The following ZMYND12 variants were observed in gnomAD, a reference collection of about 807,000 sequenced individuals.
ZMYND12 encodes zinc finger MYND-type containing 12, also known as zinc finger MYND domain-containing protein 12.
Under a neutral mutation model 41.7 loss-of-function variants are expected in ZMYND12, and 32 were observed. The observed-to-expected ratio is 0.77, with a 90% confidence interval of 0.58 to 1.03. The LOEUF (loss-of-function observed/expected upper bound fraction) is 1.03, where lower values mean the gene tolerates loss of function less well. Ranked by LOEUF, ZMYND12 falls within the 50% of genes least tolerant of loss-of-function variation. The pLI is 0.00. For synonymous variants in ZMYND12, 148 were observed against 164.8 expected (o/e 0.90, Z 0.78); for missense variants, 424 against 438.5 (o/e 0.97, Z 0.30).
intron 4 of ZMYND12, among the ~76,000 whole-genome samples, 176 bp from the exon 5 acceptor site, chr1:42,436,719 T>C (rs1009521630): frequency 2.0e-5 from 3 of 151,996 alleles, no homozygotes; most frequent in African/African-American, 7.3e-5. Context: ...AATAAGCACA[T>C]GTATAGATAC....
chr1:42,450,420 T>C (rs1417378939), intron 1 of ZMYND12, among the ~76,000 whole-genome samples: 1 of 152,238 alleles, frequency 6.6e-6, no homozygotes, highest in Non-Finnish European at 1.5e-5. Context: ...CTGAATCTTC[T>C]TTTCTAGGCC....
chr1:42,455,764 A>C, intron 1 of ZMYND12, 124 bp downstream of exon 1: 1 of 672,492 alleles, frequency 1.5e-6, no homozygotes, highest in East Asian at 2.7e-5. Context: ...CCTGTCTTAA[A>C]GCCGTTTTGA....
At chr1:42,450,210 TCTTTC>T (rs1643069128) in intron 1 of ZMYND12, 151 bp from the exon 2 acceptor site, 3 of 808,732 alleles carry the variant, frequency 3.7e-6, no homozygotes, top group East Asian at 5.2e-5. Flanking sequence ...GACTCAAATC[TCTTTC>T]CTTTCATGTG....
At chr1:42,438,310 A>G (rs541543369) in intron 4 of ZMYND12, among the ~76,000 whole-genome samples, 1 of 152,348 alleles carries the variant, frequency 6.6e-6, no homozygotes, top group South Asian at 2.1e-4. Flanking sequence ...TAAGAAACCA[A>G]CAAGGGCTAG....
chr1:42,435,144 T>G (rs866444889), intron 6 of ZMYND12, 130 bp downstream of exon 6: 48 of 703,942 alleles, frequency 6.8e-5, no homozygotes, highest in Admixed American at 3.6e-4. Context: ...GTTTTCTCCA[T>G]CAGCAACATG....
At chr1:42,432,934 G>C in intron 7 of ZMYND12, 1 of 564,414 alleles carries the variant, frequency 1.8e-6, no homozygotes, top group Non-Finnish European at 3.0e-6. Flanking sequence ...TGCAAGACTG[G>C]GAACCCTCGG....
chr1:42,442,977 C>T (rs1328861640), intron 3 of ZMYND12, among the ~76,000 whole-genome samples: 1 of 152,114 alleles, frequency 6.6e-6, no homozygotes, highest in Non-Finnish European at 1.5e-5. Flanking sequence ...GGCTGAAGTC[C>T]TCTCACATTT....
chr1:42,452,792 G>C (rs1017423513), intron 1 of ZMYND12, among the ~76,000 whole-genome samples: 1 of 152,080 alleles, frequency 6.6e-6, no homozygotes, highest in East Asian at 1.9e-4. Context: ...ATCCACTATA[G>C]AGCAATATGC....
Position 42,436,421 on chromosome 1 carries a change from C to A in ZMYND12, c.717G>T (p.Lys239Asn). Residue 239 changes from lysine (K) to asparagine (N), a missense_variant and splice_region_variant, in exon 5 of 8, where the codon AAG becomes AAT. Coordinates refer to ENST00000372565, the MANE Select transcript of ZMYND12 (RefSeq NM_032257.5). ...KLDLADTLYT[K>N]VSEIWHAYLN... Reference sequence around the variant, plus strand: ...TCAGCTCCCACATTCCCCAGCTCACCTTGGTGTACAATGTGTCTGCCAGGT... The same window carrying A: ...TCAGCTCCCACATTCCCCAGCTCACATTGGTGTACAATGTGTCTGCCAGGT... The A allele has an allele frequency of 6.2e-7, 1 of 1,613,108 alleles. No individual in the cohort carries two copies. Among genetic ancestry groups the A allele is most frequent in the South Asian group, 1.1e-5 (1 of 91,062 alleles).
At chr1:42,453,424 A>ATG (rs1290327387) in intron 1 of ZMYND12, among the ~76,000 whole-genome samples, 3 of 152,234 alleles carry the variant, frequency 2.0e-5, no homozygotes, top group Admixed American at 6.5e-5. Flanking sequence ...GGGGCATACA[A>ATG]TGACAGGTCG....
intron 7 of ZMYND12, among the ~76,000 whole-genome samples, chr1:42,431,259 T>A (rs1177810631): frequency 6.6e-6 from 1 of 152,160 alleles, no homozygotes; most frequent in Non-Finnish European, 1.5e-5. Context: ...AGGCTCCCCT[T>A]TCTTCCTCCC....
At chr1:42,449,831 T>G in intron 2 of ZMYND12, 87 bp downstream of exon 2, 1 of 1,520,632 alleles carries the variant, frequency 6.6e-7, no homozygotes. Context: ...GAGGTTACAA[T>G]TTAGTGATCC....
In ZMYND12 at chr1:42,449,111, G is replaced by GTA. The variant is rs755382186; in HGVS notation, c.253-474_253-473insTA. 6.4e-4 allele frequency among the ~76,000 whole-genome samples: 98 copies of GTA among 152,218 alleles called. 2 individuals are homozygous for GTA. Among genetic ancestry groups the GTA allele is most frequent in the Middle Eastern group, 3.4e-3 (1 of 294 alleles). ...ATTGTTCTAAGGCCACTATCAAAGT[G>GTA]TCATAACACTAAAATGGATGGATCT... On this transcript the variant is annotated intron_variant, in intron 2 of 7. Transcript: ENST00000372565.
At chr1:42,431,302 G>A (rs1488942952) in intron 7 of ZMYND12, among the ~76,000 whole-genome samples, 3 of 152,028 alleles carry the variant, frequency 2.0e-5, no homozygotes, top group Non-Finnish European at 2.9e-5. Flanking sequence ...CCTATAAATT[G>A]TTATTGAATG....
rs773328597 is a variant in ZMYND12, at chr1:42,455,894, TAA to T, written c.102_103del (p.Tyr35LeufsTer10). 1 of 1,611,196 alleles carries T rather than the reference TAA, an allele frequency of 6.2e-7. No individual in the cohort carries two copies. The highest frequency in any genetic ancestry group is 8.5e-7 in the Non-Finnish European group (1 of 1,178,140). ...GCCACGTTTCAGGGCCTACCAGTAA[TAA>T]GTGACTGTGCAGGCCGCGCACACCC... is the stretch of plus-strand genomic sequence containing the variant. On this transcript the variant is annotated frameshift_variant, in exon 1 of 8. Coordinates refer to ENST00000372565, the MANE Select transcript of ZMYND12 (RefSeq NM_032257.5). LOFTEE classifies it high-confidence loss of function.
intron 4 of ZMYND12, among the ~76,000 whole-genome samples, 190 bp from the exon 5 acceptor site, chr1:42,436,733 CAT>C (rs1261373219): frequency 6.6e-6 from 1 of 150,972 alleles, no homozygotes; most frequent in Non-Finnish European, 1.5e-5. Context: ...TAGATACTAA[CAT>C]AGTAATTAGG....
chr1:42,441,168 A>G (rs1557768255), intron 3 of ZMYND12, among the ~76,000 whole-genome samples: 1 of 152,206 alleles, frequency 6.6e-6, no homozygotes, highest in Non-Finnish European at 1.5e-5. Flanking sequence ...GTCAGAGGAT[A>G]GGAAATGTTT....
intron 6 of ZMYND12, among the ~76,000 whole-genome samples, chr1:42,433,592 C>G (rs1329080612): frequency 6.6e-6 from 1 of 152,170 alleles, no homozygotes; most frequent in South Asian, 2.1e-4. Flanking sequence ...TTTCGGAGTC[C>G]TGAACTCTAG....
intron 3 of ZMYND12, among the ~76,000 whole-genome samples, chr1:42,446,777 C>G (rs1358424224): frequency 6.6e-6 from 1 of 152,084 alleles, no homozygotes; most frequent in Non-Finnish European, 1.5e-5. Flanking sequence ...CAGTAATACC[C>G]CAAAAGCATG....
Sources: allele counts gnomAD v4.1 joint callset (sites outside exome capture counted in the v4.1 genomes callset), GRCh38; gene constraint gnomAD v4.1.1; transcripts MANE v1.5; gene names NCBI Gene and HGNC (gene_info 2026-07-23, HGNC 2026-07-21).